The following PSPC1 variants were observed in gnomAD, a reference collection of about 807,000 sequenced individuals.
The protein encoded by PSPC1 is paraspeckle component 1, also known as paraspeckle protein 1.
Under a neutral mutation model 51.6 loss-of-function variants are expected in PSPC1, and 14 were observed. The observed-to-expected ratio is 0.27, with a 90% CI of 0.18 to 0.42. The LOEUF is 0.42. PSPC1 is among the 10% of genes least tolerant of loss of function. The probability of loss-of-function intolerance (pLI) is 1.00; values close to 1 mark genes in which losing one functional copy is unlikely to be tolerated. For synonymous variants in PSPC1, 193 were observed against 231.9 expected, an observed-to-expected ratio of 0.83 and a Z score of 1.53; for missense variants, 406 against 701.1, an observed-to-expected ratio of 0.58 and a Z score of 4.75.
chr13:19,782,209 C>T lies in PSPC1; in HGVS notation c.372+177G>A, dbSNP rs1890051626. Among the ~76,000 whole-genome samples, 1 of 152,210 alleles carries T rather than the reference C, an allele frequency of 6.6e-6. No homozygotes were observed. Among genetic ancestry groups the T allele is most frequent in the South Asian group, 2.1e-4 (1 of 4,832 alleles). On this transcript the variant is annotated intron_variant, in intron 1 of 8. Transcript: ENST00000338910. This position sits in a 1 kb window ranked among gnomAD's most constrained non-coding sequence, Gnocchi z 4.5. ...AATCCCGGGACCGTGAACTCGAAAC[C>T]AAAGGCGCCGAGCTGGGGAAGCGGC...
At chr13:19,722,737 T>C (rs531100381) in intron 6 of PSPC1, among the ~76,000 whole-genome samples, 1 of 152,070 alleles carries the variant, frequency 6.6e-6, no homozygotes, top group Non-Finnish European at 1.5e-5. Context: ...GAGGTTGCCA[T>C]GAGCTGAGAT....
intron 6 of PSPC1, among the ~76,000 whole-genome samples, chr13:19,718,256 TTA>T (rs746674049): frequency 6.6e-6 from 1 of 151,938 alleles, no homozygotes; most frequent in East Asian, 1.9e-4. Flanking sequence ...GACAATCTCT[TTA>T]TATATATATA....
intron 6 of PSPC1, among the ~76,000 whole-genome samples, chr13:19,721,168 T>C (rs1882725046): frequency 6.6e-6 from 1 of 152,212 alleles, no homozygotes; most frequent in Admixed American, 6.5e-5. Flanking sequence ...CGTCACTATG[T>C]AGAACAAGCA....
intron 6 of PSPC1, among the ~76,000 whole-genome samples, chr13:19,711,235 T>A (rs1881369027): frequency 6.6e-6 from 1 of 152,188 alleles, no homozygotes; most frequent in Non-Finnish European, 1.5e-5. Flanking sequence ...AAAGCTAGAC[T>A]GAGGCGGGGT....
chr13:19,750,510 A>G (rs1435424995), intron 4 of PSPC1, among the ~76,000 whole-genome samples: 3 of 151,988 alleles, frequency 2.0e-5, no homozygotes, highest in South Asian at 2.1e-4. Context: ...CTAAATCCCC[A>G]TATCAATGTG....
intron 2 of PSPC1, among the ~76,000 whole-genome samples, chr13:19,761,790 C>T (rs1003056506): frequency 1.2e-4 from 18 of 152,092 alleles, no homozygotes; most frequent in African/African-American, 3.9e-4. Flanking sequence ...ACCATTCATC[C>T]GCTGGAAGCT....
chr13:19,755,610 T>C (rs1030767333), intron 3 of PSPC1, among the ~76,000 whole-genome samples: 1 of 151,356 alleles, frequency 6.6e-6, no homozygotes, highest in African/African-American at 2.4e-5. Context: ...AAACAATAGA[T>C]ATGAATTATA....
intron 3 of PSPC1, among the ~76,000 whole-genome samples, chr13:19,755,507 G>A (rs1007809761): frequency 1.3e-5 from 2 of 151,542 alleles, no homozygotes; most frequent in African/African-American, 4.9e-5. Context: ...AGAATCACTT[G>A]AACCTGGGAG....
chr13:19,687,589 CCT>C (rs1207127413), intron 6 of PSPC1, among the ~76,000 whole-genome samples: 2 of 152,116 alleles, frequency 1.3e-5, no homozygotes, highest in Admixed American at 6.6e-5. Flanking sequence ...TGCCCTTTCT[CCT>C]CTTTTTAGCA....
At chr13:19,695,384 G>C (rs1286850896) in intron 6 of PSPC1, among the ~76,000 whole-genome samples, 9 of 152,094 alleles carry the variant, frequency 5.9e-5, no homozygotes, top group Non-Finnish European at 1.0e-4. Flanking sequence ...GTACTTCCCA[G>C]CCCTAAAACT....
intron 3 of PSPC1, among the ~76,000 whole-genome samples, chr13:19,753,436 A>G (rs751483104): frequency 2.6e-4 from 40 of 152,042 alleles, no homozygotes; most frequent in Non-Finnish European, 4.4e-4. Context: ...AGGTACCACT[A>G]CGTTTGTTGC....
At chr13:19,763,264 T>C (rs1216160021) in intron 2 of PSPC1, among the ~76,000 whole-genome samples, 1 of 152,122 alleles carries the variant, frequency 6.6e-6, no homozygotes, top group African/African-American at 2.4e-5. Flanking sequence ...CAAGATATCC[T>C]CTCGCTTCAG....
chr13:19,673,104 T>G (rs1040936363), downstream of PSPC1: 49 of 452,312 alleles, frequency 1.1e-4, no homozygotes, highest in African/African-American at 8.9e-4. Context: ...TTTTGTTTTT[T>G]TTTTTTGAAA....
At chr13:19,698,273 T>A (rs55712402), downstream of PSPC1, among the ~76,000 whole-genome samples, 172 of 151,610 alleles carry the variant, frequency 1.1e-3, no homozygotes, top group African/African-American at 4.1e-3. Flanking sequence ...CTAGAAAAAA[T>A]TTTAGATAAA....
intron 2 of PSPC1, 70 bp downstream of exon 2, chr13:19,772,172 A>C: frequency 6.7e-7 from 1 of 1,499,268 alleles, no homozygotes; most frequent in Admixed American, 2.1e-5. Flanking sequence ...GCAATGAAAG[A>C]CAGAATTCCA....
intron 1 of PSPC1, among the ~76,000 whole-genome samples, chr13:19,780,555 GTTAAATGGA>G (rs1370222599): frequency 1.1e-5 from 1 of 94,196 alleles, no homozygotes; most frequent in Admixed American, 1.3e-4. Context: ...TCCACTCAGG[GTTAAATGGA>G]TTAAGGGCGG....
In PSPC1 at chr13:19,717,705, C is replaced by CAA. The variant is rs780984201; in HGVS notation, c.1159-8108_1159-8107dup. On this transcript the variant is annotated intron_variant, in intron 6 of 8. Coordinates refer to ENST00000338910, the MANE Select transcript of PSPC1 (RefSeq NM_001354909.2). Reference sequence around the variant, plus strand: ...TGGGCAACAGAGAAAGACTCTGTCTCAAAAAAAAAAAAAAAAAAAAAAAGT... The same window carrying CAA: ...TGGGCAACAGAGAAAGACTCTGTCTCAAAAAAAAAAAAAAAAAAAAAAAAAGT... 6.5e-3 allele frequency among the ~76,000 whole-genome samples: 469 copies of CAA among 72,086 alleles called. 7 individuals are homozygous for CAA. The highest frequency in any genetic ancestry group is 0.02 in the African/African-American group (394 of 19,464). 47.3% of individuals were successfully genotyped at this position (72,086 alleles called of 152,430 possible).
chr13:19,782,302 T>C lies in PSPC1; in HGVS notation c.372+84A>G, dbSNP rs985442192. 8.7e-6 allele frequency: 13 copies of C among 1,487,226 alleles called. No individual in the cohort carries two copies. In the African/African-American group the frequency reaches 1.7e-4, roughly 20 times the overall value. 92.1% of individuals were successfully genotyped at this position (1,487,226 alleles called of 1,614,324 possible). A position where few individuals can be genotyped will look rare whatever the true frequency, so the allele number is the denominator to read the frequency against. On this transcript the variant is annotated intron_variant, in intron 1 of 8. Coordinates refer to ENST00000338910, the MANE Select transcript of PSPC1 (RefSeq NM_001354909.2). This position sits in a 1 kb window ranked among gnomAD's most constrained non-coding sequence, Gnocchi z 4.5. The stretch of plus-strand genomic sequence containing the variant: ...GTTGCCACAGGTTGAGACAGCGTCC[T>C]AGGACGAGGCTGGCCTCAGCCCCAC...
rs535447086 is a variant in PSPC1 at position 19,704,339 on chromosome 13, T to C, written c.1387-979A>G. On this transcript the variant is annotated intron_variant, in intron 8 of 8. Transcript: ENST00000338910. Reference sequence around the variant, plus strand: ...CATCTCCCTGTATAAACTATCATTTTAAAAAATCCAACTGCCAGCATGTCC... The same window carrying C: ...CATCTCCCTGTATAAACTATCATTTCAAAAAATCCAACTGCCAGCATGTCC... Among the ~76,000 whole-genome samples the C allele has an allele frequency of 3.3e-5, 5 of 152,390 alleles. No homozygotes were observed. In the South Asian group the frequency reaches 1.0e-3, roughly 32 times the overall value.
Sources: allele counts gnomAD v4.1 joint callset (sites outside exome capture counted in the v4.1 genomes callset), GRCh38; gene constraint gnomAD v4.1.1; non-coding constraint Gnocchi (gnomAD v3.1); transcripts MANE v1.5; gene names NCBI Gene and HGNC (gene_info 2026-07-23, HGNC 2026-07-21).